CNTNAP2: variants seen among roughly 807,000 people sequenced by gnomAD.
The protein encoded by CNTNAP2 is contactin-associated protein-like 2.
In CNTNAP2, 98 loss-of-function variants were observed where a neutral mutation model predicts 155.2. That is an observed-to-expected ratio of 0.63 (90% CI 0.54 to 0.75). The LOEUF (loss-of-function observed/expected upper bound fraction) is 0.75. Among genes scored for constraint, CNTNAP2 ranks in the 30% least tolerant of loss-of-function variants. CNTNAP2 has a pLI of 0.00. For synonymous variants in CNTNAP2, 651 were observed against 631.2 expected (o/e 1.03, Z -0.47); for missense variants, 1,727 against 1,688.1 (o/e 1.02, Z -0.40).
intron 13 of CNTNAP2, among the ~76,000 whole-genome samples, chr7:147,741,018 T>G (rs1796947772): frequency 6.6e-6 from 1 of 152,262 alleles, no homozygotes; most frequent in East Asian, 1.9e-4. Context: ...CCAGCATGTG[T>G]GGAAGATGGC....
intron 1 of CNTNAP2, among the ~76,000 whole-genome samples, chr7:146,399,311 C>T (rs914926920): frequency 6.6e-6 from 1 of 152,110 alleles, no homozygotes; most frequent in Admixed American, 6.6e-5. Flanking sequence ...TGTTGAGTAA[C>T]ATCTCCCCCA....
intron 12 of CNTNAP2, among the ~76,000 whole-genome samples, 168 bp downstream of exon 12, chr7:147,562,425 T>A (rs569011040): frequency 1.6e-4 from 24 of 152,298 alleles, no homozygotes; most frequent in Admixed American, 1.4e-3. Flanking sequence ...ATTAGAGCAA[T>A]AAAACATTTT....
chr7:147,918,356 T>C (rs900903924), intron 14 of CNTNAP2, among the ~76,000 whole-genome samples: 5 of 152,242 alleles, frequency 3.3e-5, no homozygotes, highest in African/African-American at 1.2e-4. Context: ...TAAACCCACA[T>C]AGACATACAC....
At chr7:146,782,846 T>C (rs1251745737) in intron 2 of CNTNAP2, among the ~76,000 whole-genome samples, 4 of 152,196 alleles carry the variant, frequency 2.6e-5, no homozygotes, top group Non-Finnish European at 4.4e-5. Flanking sequence ...ACACTATAGA[T>C]ACCAACATTT....
chr7:147,580,673 T>C (rs1584828909), intron 12 of CNTNAP2, among the ~76,000 whole-genome samples: 1 of 151,770 alleles, frequency 6.6e-6, no homozygotes, highest in East Asian at 1.9e-4. Flanking sequence ...TGAAGTGCAA[T>C]GGCACGATCT....
At chr7:146,617,888 GAT>G (rs1253593545) in intron 1 of CNTNAP2, among the ~76,000 whole-genome samples, 1 of 152,050 alleles carries the variant, frequency 6.6e-6, no homozygotes, top group African/African-American at 2.4e-5. Flanking sequence ...TCAAAAAATG[GAT>G]GTTGTCTTTT....
chr7:146,430,218 T>G (rs1407639922), intron 1 of CNTNAP2, among the ~76,000 whole-genome samples: 1 of 151,724 alleles, frequency 6.6e-6, no homozygotes, highest in African/African-American at 2.4e-5. Context: ...TGCCAGGATG[T>G]AACCCATGTC....
intron 2 of CNTNAP2, among the ~76,000 whole-genome samples, chr7:146,810,374 T>C (rs150902174): frequency 6.6e-6 from 1 of 151,970 alleles, no homozygotes; most frequent in Non-Finnish European, 1.5e-5. Flanking sequence ...ATCTGTACCT[T>C]ATAGTTTTTA....
At chr7:147,483,418 T>C (rs550007806) in intron 10 of CNTNAP2, among the ~76,000 whole-genome samples, 96 of 152,220 alleles carry the variant, frequency 6.3e-4, no homozygotes, top group Non-Finnish European at 1.2e-3. Flanking sequence ...TGACTTGTAT[T>C]CATTAATCTC....
chr7:146,490,067 T>C (rs1797116287), intron 1 of CNTNAP2, among the ~76,000 whole-genome samples: 2 of 152,172 alleles, frequency 1.3e-5, no homozygotes, highest in African/African-American at 4.8e-5. Flanking sequence ...GACTTGTAGC[T>C]TGGCTTTCAG....
chr7:147,426,370 G>C (rs1797377595), intron 10 of CNTNAP2, among the ~76,000 whole-genome samples: 1 of 151,990 alleles, frequency 6.6e-6, no homozygotes, highest in African/African-American at 2.4e-5. Flanking sequence ...TGGATATCCA[G>C]AACATTTGTC....
rs553201813 is a variant in CNTNAP2, at chr7:148,391,953, G to A, written c.3715+8065G>A. On this transcript the variant is annotated intron_variant, in intron 22 of 23. Transcript: ENST00000361727. ...ATTCGTGATATTTGATACAGAATAC[G>A]TCAGACCAAAAGCCACATCCTAGGA... Among the ~76,000 whole-genome samples, 4 of 152,292 alleles carry A rather than the reference G, an allele frequency of 2.6e-5. 1 individual carries two copies. The highest frequency in any genetic ancestry group is 4.1e-4 in the South Asian group (2 of 4,822).
At chr7:147,938,484 A>G (rs2116810903) in intron 14 of CNTNAP2, among the ~76,000 whole-genome samples, 1 of 152,338 alleles carries the variant, frequency 6.6e-6, no homozygotes, top group Middle Eastern at 3.4e-3. Flanking sequence ...ATATTTGAAA[A>G]AGTAAAATAG....
chr7:146,503,536 T>C (rs956447446), intron 1 of CNTNAP2, among the ~76,000 whole-genome samples: 1 of 152,222 alleles, frequency 6.6e-6, no homozygotes, highest in African/African-American at 2.4e-5. Context: ...TGTTTTCTTC[T>C]AGTAGTTTCA....
At chr7:146,883,976 T>C (rs1795604689) in intron 3 of CNTNAP2, among the ~76,000 whole-genome samples, 1 of 152,150 alleles carries the variant, frequency 6.6e-6, no homozygotes. Flanking sequence ...TCTTGGTTAC[T>C]ATTGATGTTC....
intron 1 of CNTNAP2, among the ~76,000 whole-genome samples, chr7:146,545,500 C>A (rs557374194): frequency 2.0e-5 from 3 of 151,802 alleles, no homozygotes; most frequent in East Asian, 1.9e-4. Context: ...TAGACCCTCA[C>A]CCCCCAACAT....
intron 18 of CNTNAP2, among the ~76,000 whole-genome samples, chr7:148,188,285 G>A (rs529792624): frequency 6.6e-6 from 1 of 152,302 alleles, no homozygotes; most frequent in African/African-American, 2.4e-5. Flanking sequence ...TGGGAGGATG[G>A]TAATACCATC....
At chr7:146,611,372 C>A (rs778439442) in intron 1 of CNTNAP2, among the ~76,000 whole-genome samples, 1 of 152,044 alleles carries the variant, frequency 6.6e-6, no homozygotes, top group Admixed American at 6.6e-5. Context: ...ATTATAGGCG[C>A]GAGCCACCGC....
chr7:146,861,749 T>C (rs1795105663), intron 3 of CNTNAP2, among the ~76,000 whole-genome samples: 1 of 152,196 alleles, frequency 6.6e-6, no homozygotes, highest in African/African-American at 2.4e-5. Context: ...TTGTGTTACA[T>C]CGCTTCATCT....
Sources: allele counts gnomAD v4.1 joint callset (sites outside exome capture counted in the v4.1 genomes callset), GRCh38; gene constraint gnomAD v4.1.1; transcripts MANE v1.5; gene names NCBI Gene and HGNC (gene_info 2026-07-23, HGNC 2026-07-21).